PDZD8: variants seen among roughly 807,000 people sequenced by gnomAD.
The protein encoded by PDZD8 is PDZ domain containing 8, also known as PDZ domain-containing protein 8.
A neutral mutation model predicts 85.8 loss-of-function variants in PDZD8; 14 were observed. That is an observed-to-expected ratio of 0.16 (90% CI 0.11 to 0.26). The LOEUF (loss-of-function observed/expected upper bound fraction) is 0.26, where lower values mean the gene tolerates loss of function less well. Among genes scored for constraint, PDZD8 ranks in the 10% least tolerant of loss-of-function variants. The pLI is 1.00. For missense variants in PDZD8, 1,197 were observed against 1,424.3 expected (o/e 0.84, Z 2.57); for synonymous variants, 592 against 568.6 (o/e 1.04, Z -0.59).
chr10:117,342,285 T>A (rs1335564093), intron 1 of PDZD8, among the ~76,000 whole-genome samples: 2 of 152,040 alleles, frequency 1.3e-5, no homozygotes, highest in Non-Finnish European at 2.9e-5. Flanking sequence ...TGAAAGAAAA[T>A]TGGGCTTAAA....
chr10:117,295,746 G>A (rs1247157514), intron 3 of PDZD8, among the ~76,000 whole-genome samples: 1 of 152,012 alleles, frequency 6.6e-6, no homozygotes, highest in African/African-American at 2.4e-5. Flanking sequence ...AAACAATGGA[G>A]AAAGCCATAT....
intron 2 of PDZD8, among the ~76,000 whole-genome samples, chr10:117,331,742 A>C (rs1042420690): frequency 1.3e-5 from 2 of 152,200 alleles, no homozygotes; most frequent in African/African-American, 4.8e-5. Context: ...ACATTCTCTT[A>C]CAATTCAGAC....
chr10:117,364,503 G>A (rs965272827), intron 1 of PDZD8, among the ~76,000 whole-genome samples: 2 of 151,508 alleles, frequency 1.3e-5, no homozygotes, highest in South Asian at 2.1e-4. Context: ...GCATATTTCC[G>A]TAGGAAGTCT....
At chr10:117,305,343 C>G (rs1843916906) in intron 3 of PDZD8, among the ~76,000 whole-genome samples, 2 of 151,820 alleles carry the variant, frequency 1.3e-5, no homozygotes, top group South Asian at 4.1e-4. Flanking sequence ...ATCCGGGAGG[C>G]AAGAGGTTGC....
At position 117,375,434 on chromosome 10, in the gene PDZD8, C is replaced by A; in HGVS notation, c.-207G>T. The A allele has an allele frequency of 3.9e-6, 1 of 258,096 alleles. No homozygotes were observed. Among genetic ancestry groups the A allele is most frequent in the Non-Finnish European group, 7.2e-6 (1 of 139,264 alleles). 16.0% of individuals were successfully genotyped at this position (258,096 alleles called of 1,614,324 possible). A position where few individuals can be genotyped will look rare whatever the true frequency, so the allele number is the denominator to read the frequency against. ...CGCCTCCTCAGACGCTCCCGAAGGGCCGGTGTGGCGGCGGCGGCAGCGGGG... is the reference window on the plus strand; with the variant it reads ...CGCCTCCTCAGACGCTCCCGAAGGGACGGTGTGGCGGCGGCGGCAGCGGGG... On this transcript the variant is annotated 5_prime_UTR_variant, in exon 1 of 5. Transcript: ENST00000334464.
intron 2 of PDZD8, among the ~76,000 whole-genome samples, chr10:117,329,302 G>A (rs373719650): frequency 2.6e-4 from 40 of 152,148 alleles, no homozygotes; most frequent in Admixed American, 7.2e-4. Context: ...CTAAATTGCC[G>A]TCTATCTCCT....
chr10:117,374,304 G>GC lies in PDZD8; in HGVS notation c.872+51dup. 6.3e-7 allele frequency: 1 copy of GC among 1,592,750 alleles called. No individual in the cohort carries two copies. Among genetic ancestry groups the GC allele is most frequent in the South Asian group, 1.1e-5 (1 of 86,960 alleles). On this transcript the variant is annotated intron_variant, in intron 1 of 4. Transcript: ENST00000334464. The surrounding 1 kb of genome is among the most constrained non-coding windows in gnomAD (Gnocchi z 7.8). ...CCCTTCCCAATCCACGCAGCGTCCC[G>GC]CCCAGGCCCGGGTTCCCGGCAGCCA...
At chr10:117,352,052 C>G (rs1844813771) in intron 1 of PDZD8, among the ~76,000 whole-genome samples, 1 of 152,144 alleles carries the variant, frequency 6.6e-6, no homozygotes, top group South Asian at 2.1e-4. Flanking sequence ...ACAAGAGAAG[C>G]CAAGCCTTCT....
chr10:117,340,058 C>T (rs1280481126), intron 2 of PDZD8, among the ~76,000 whole-genome samples: 1 of 152,144 alleles, frequency 6.6e-6, no homozygotes, highest in Non-Finnish European at 1.5e-5. Flanking sequence ...GTAGCTCAAG[C>T]AAGATATGAA....
intron 2 of PDZD8, among the ~76,000 whole-genome samples, chr10:117,340,367 T>C: frequency 6.6e-6 from 1 of 152,232 alleles, no homozygotes; most frequent in East Asian, 1.9e-4. Context: ...ATCCTTGATA[T>C]CTGATCGTCC....
intron 1 of PDZD8, among the ~76,000 whole-genome samples, chr10:117,358,217 C>T (rs1434897312): frequency 6.6e-6 from 1 of 152,094 alleles, no homozygotes; most frequent in East Asian, 1.9e-4. Flanking sequence ...ATTTGAGTAA[C>T]TCGTTTAACC....
rs1211148098 is a variant in PDZD8, at chr10:117,317,429, AT to A, written c.1098+1442del. Among the ~76,000 whole-genome samples, 8 of 152,210 alleles carry A rather than the reference AT, an allele frequency of 5.3e-5. No individual in the cohort carries two copies. The South Asian group carries it at 1.5e-3, about 28-fold the overall frequency. ...TAATGCCTGTAGACACTTTGCTGACATTTTCAACATCAGATATAATTAATAA... is the reference window on the plus strand; with the variant it reads ...TAATGCCTGTAGACACTTTGCTGACATTTCAACATCAGATATAATTAATAA... On this transcript the variant is annotated intron_variant, in intron 3 of 4. Transcript: ENST00000334464.
In PDZD8 at chr10:117,281,560, T is replaced by G. The variant is rs192328145; in HGVS notation, c.*1708A>C. The G allele has an allele frequency of 6.6e-6, 1 of 152,288 alleles. No individual in the cohort carries two copies. The highest frequency in any genetic ancestry group is 6.5e-5 in the Admixed American group (1 of 15,290). The allele number at this position is 152,288 out of a possible 1,614,324, so 9.4% of individuals were successfully genotyped here. A position where few individuals can be genotyped will look rare whatever the true frequency, so the allele number is the denominator to read the frequency against. Reference sequence around the variant, plus strand: ...AACTTTTCTCCCCTCAAAAATGTCTTTCTTACTCATATAAATAATGCCTTT... The same window carrying G: ...AACTTTTCTCCCCTCAAAAATGTCTGTCTTACTCATATAAATAATGCCTTT... On this transcript the variant is annotated 3_prime_UTR_variant, in exon 5 of 5. Transcript: ENST00000334464.
chr10:117,360,396 A>G (rs574177486), intron 1 of PDZD8, among the ~76,000 whole-genome samples: 3 of 152,208 alleles, frequency 2.0e-5, no homozygotes, highest in Admixed American at 6.5e-5. Flanking sequence ...CAGCTTTCAC[A>G]TAGCTAAAAA....
intron 1 of PDZD8, among the ~76,000 whole-genome samples, chr10:117,342,538 C>T (rs1844634426): frequency 6.6e-6 from 1 of 152,218 alleles, no homozygotes; most frequent in Admixed American, 6.5e-5. Context: ...AGTGCAGTGG[C>T]ACGATCTTGG....
intron 4 of PDZD8, among the ~76,000 whole-genome samples, chr10:117,288,915 G>A (rs916969112): frequency 5.3e-5 from 8 of 152,044 alleles, no homozygotes; most frequent in African/African-American, 1.9e-4. Context: ...TTGATAATAG[G>A]TATTTACTAC....
intron 1 of PDZD8, among the ~76,000 whole-genome samples, chr10:117,348,950 A>G (rs1488789106): frequency 6.6e-6 from 1 of 152,222 alleles, no homozygotes; most frequent in Non-Finnish European, 1.5e-5. Context: ...TACATACATT[A>G]CTATATTTGA....
At position 117,284,888 on chromosome 10, in the gene PDZD8, G is replaced by A. The variant is rs370368412; in HGVS notation, c.1845C>T (p.Leu615=). 35 of 1,614,002 alleles carry A rather than the reference G, an allele frequency of 2.2e-5. No individual in the cohort carries two copies. The highest frequency in any genetic ancestry group is 4.0e-5 in the African/African-American group (3 of 74,890). Residue 615 remains leucine, a synonymous_variant, in exon 5 of 5, where the codon CTC becomes CTT. Transcript: ENST00000334464. ...GCACCACCTTCTCTGGCTTTTCAACGAGAACATCTGGTTCTGCCTGATTTG... is the reference window on the plus strand; with the variant it reads ...GCACCACCTTCTCTGGCTTTTCAACAAGAACATCTGGTTCTGCCTGATTTG... ...DAPNQAEPDV[L]VEKPEKVVPP... is the part of the protein sequence containing the mutation.
At chr10:117,296,546 C>T (rs149629839) in intron 3 of PDZD8, among the ~76,000 whole-genome samples, 29 of 152,222 alleles carry the variant, frequency 1.9e-4, no homozygotes, top group African/African-American at 6.7e-4. Context: ...GGAGGTCTTA[C>T]ACTACCTGAT....
Sources: allele counts gnomAD v4.1 joint callset (sites outside exome capture counted in the v4.1 genomes callset), GRCh38; gene constraint gnomAD v4.1.1; non-coding constraint Gnocchi (gnomAD v3.1); transcripts MANE v1.5; gene names NCBI Gene and HGNC (gene_info 2026-07-23, HGNC 2026-07-21).